PLCL1: variants seen among roughly 807,000 people sequenced by gnomAD.
PLCL1 encodes the protein inactive phospholipase C-like protein 1.
PLCL1 carries 41 observed loss-of-function variants against 84.4 expected under a neutral mutation model. The ratio of observed to expected loss-of-function variants is 0.49; its 90% CI spans 0.38 to 0.63. PLCL1 has a LOEUF of 0.63. Among genes scored for constraint, PLCL1 ranks in the 30% least tolerant of loss-of-function variants. The pLI is 0.00. For synonymous variants in PLCL1, 490 were observed against 488.3 expected, an observed-to-expected ratio of 1.00 and a Z score of -0.05; for missense variants, 1,206 against 1,367.8, an observed-to-expected ratio of 0.88 and a Z score of 1.87.
chr2:197,822,889 T>C (rs1690847403), intron 1 of PLCL1, among the ~76,000 whole-genome samples: 1 of 152,160 alleles, frequency 6.6e-6, no homozygotes, highest in Non-Finnish European at 1.5e-5. Context: ...AGCAAAGTTG[T>C]CTTTATATTA....
In PLCL1 at chr2:197,943,664, A is replaced by G. The variant is rs141348764; in HGVS notation, c.240+138325A>G. On this transcript the variant is annotated intron_variant, in intron 1 of 5. Coordinates refer to ENST00000428675, the MANE Select transcript of PLCL1 (RefSeq NM_006226.4). The stretch of plus-strand genomic sequence containing the variant: ...TTTTTTTTGTTACTTTGTTGTGACT[A>G]CATAAGTGCTTTCCAGTGTTGAGTG... 7.7e-4 allele frequency among the ~76,000 whole-genome samples: 91 copies of G among 118,250 alleles called. 4 individuals are homozygous for G. The South Asian group carries it at 0.016, about 20-fold the overall frequency. The allele number at this position is 118,250 out of a possible 152,430, so 77.6% of individuals were successfully genotyped here.
chr2:197,810,326 A>C, intron 1 of PLCL1: 1 of 1,197,216 alleles, frequency 8.4e-7, no homozygotes, highest in Non-Finnish European at 1.1e-6. Context: ...ACTTCAGGTA[A>C]AGAGCTTTGT....
intron 1 of PLCL1, among the ~76,000 whole-genome samples, chr2:198,036,415 G>A (rs1691551414): frequency 6.6e-6 from 1 of 152,160 alleles, no homozygotes; most frequent in African/African-American, 2.4e-5. Context: ...AAGTTTGCTA[G>A]AATCATTTTT....
rs1349834305 is a variant in PLCL1, at chr2:197,981,853, A to G, written c.241-101905A>G. Among the ~76,000 whole-genome samples the G allele has an allele frequency of 3.3e-5, 5 of 152,348 alleles. No individual in the cohort carries two copies. The South Asian group carries it at 1.0e-3, about 32-fold the overall frequency. On this transcript the variant is annotated intron_variant, in intron 1 of 5. Coordinates refer to ENST00000428675, the MANE Select transcript of PLCL1 (RefSeq NM_006226.4). ...ATCCAGTGCCCTCAGTTTATAACCC[A>G]GGAGAGGCCAGCTGTCTTATCTAAA...
chr2:198,031,108 C>T (rs145868717), intron 1 of PLCL1, among the ~76,000 whole-genome samples: 168 of 151,498 alleles, frequency 1.1e-3, no homozygotes, highest in African/African-American at 3.9e-3. Context: ...TAGTGATTTA[C>T]ACCTGTAATC....
chr2:197,911,496 C>G (rs1688484598), intron 1 of PLCL1, among the ~76,000 whole-genome samples: 1 of 151,994 alleles, frequency 6.6e-6, no homozygotes, highest in African/African-American at 2.4e-5. Context: ...AGGTTTGCTT[C>G]AGAAATTATG....
At chr2:198,092,114 C>T (rs1693059800) in intron 3 of PLCL1, among the ~76,000 whole-genome samples, 1 of 152,088 alleles carries the variant, frequency 6.6e-6, no homozygotes, top group Non-Finnish European at 1.5e-5. Context: ...CCTCTCCCAA[C>T]CTCACCTGCC....
At chr2:197,817,287 C>T (rs1690709667) in intron 1 of PLCL1, among the ~76,000 whole-genome samples, 1 of 151,594 alleles carries the variant, frequency 6.6e-6, no homozygotes, top group African/African-American at 2.4e-5. Context: ...AACTTTTTTT[C>T]CTCATACTTT....
At chr2:198,133,835 T>A (rs1460779838) in intron 5 of PLCL1, among the ~76,000 whole-genome samples, 1 of 152,186 alleles carries the variant, frequency 6.6e-6, no homozygotes, top group Non-Finnish European at 1.5e-5. Flanking sequence ...GTGTTTGGAT[T>A]CTGGATTTTT....
At chr2:197,990,047 C>T (rs1574228668) in intron 1 of PLCL1, among the ~76,000 whole-genome samples, 1 of 152,154 alleles carries the variant, frequency 6.6e-6, no homozygotes, top group African/African-American at 2.4e-5. Flanking sequence ...CCTGTATAGG[C>T]CTATGGAAGT....
chr2:198,061,825 T>A (rs1692211448), intron 1 of PLCL1, among the ~76,000 whole-genome samples: 2 of 152,240 alleles, frequency 1.3e-5, no homozygotes, highest in South Asian at 4.2e-4. Flanking sequence ...GGTCTCGAAC[T>A]CCTGACCTCA....
At chr2:197,878,251 A>T (rs961693649) in intron 1 of PLCL1, among the ~76,000 whole-genome samples, 9 of 152,134 alleles carry the variant, frequency 5.9e-5, no homozygotes, top group African/African-American at 1.9e-4. Flanking sequence ...CTTAGATCAG[A>T]AGTTTGGACA....
intron 1 of PLCL1, among the ~76,000 whole-genome samples, chr2:197,904,470 TGG>T (rs1688337079): frequency 1.3e-5 from 2 of 152,224 alleles, no homozygotes; most frequent in African/African-American, 4.8e-5. Flanking sequence ...TTTGGCTTAA[TGG>T]ATAGTCACAG....
intron 5 of PLCL1, among the ~76,000 whole-genome samples, chr2:198,138,343 C>G (rs1032257094): frequency 3.3e-5 from 5 of 152,148 alleles, no homozygotes; most frequent in Admixed American, 6.5e-5. Context: ...CACTTTCAAA[C>G]AACCAGATCT....
chr2:197,864,267 C>T (rs986618948), intron 1 of PLCL1, among the ~76,000 whole-genome samples: 3 of 151,830 alleles, frequency 2.0e-5, no homozygotes, highest in African/African-American at 7.3e-5. Flanking sequence ...TATCCTTGTC[C>T]CTCCAGGTGG....
At chr2:197,904,238 GT>G (rs1688331966) in intron 1 of PLCL1, among the ~76,000 whole-genome samples, 1 of 152,172 alleles carries the variant, frequency 6.6e-6, no homozygotes, top group Non-Finnish European at 1.5e-5. Flanking sequence ...GAGCATTACT[GT>G]TTCCTTTGGA....
At chr2:197,988,885 AT>A (rs1447227193) in intron 1 of PLCL1, among the ~76,000 whole-genome samples, 1 of 152,132 alleles carries the variant, frequency 6.6e-6, no homozygotes, top group African/African-American at 2.4e-5. Flanking sequence ...ACCAACATTT[AT>A]TGTCTTTTGA....
intron 1 of PLCL1, among the ~76,000 whole-genome samples, chr2:197,846,553 A>G (rs1290487674): frequency 6.6e-6 from 1 of 152,136 alleles, no homozygotes; most frequent in African/African-American, 2.4e-5. Flanking sequence ...ACATTTATTG[A>G]GGACCTACTG....
chr2:197,912,658 A>G (rs1331622358), intron 1 of PLCL1, among the ~76,000 whole-genome samples: 12 of 149,794 alleles, frequency 8.0e-5, no homozygotes, highest in African/African-American at 2.9e-4. Flanking sequence ...CATGGATGAA[A>G]TTGGAAATCA....
Sources: allele counts gnomAD v4.1 joint callset (sites outside exome capture counted in the v4.1 genomes callset), GRCh38; gene constraint gnomAD v4.1.1; transcripts MANE v1.5; gene names NCBI Gene and HGNC (gene_info 2026-07-23, HGNC 2026-07-21).